VTI1A: variants seen among roughly 807,000 people sequenced by gnomAD.
The protein encoded by VTI1A is vesicle transport through interaction with t-SNAREs homolog 1A.
VTI1A carries 22 observed loss-of-function variants against 34.9 expected under a neutral mutation model. The ratio of observed to expected loss-of-function variants is 0.63; its 90% CI spans 0.45 to 0.90. The LOEUF (loss-of-function observed/expected upper bound fraction) is 0.90, where lower values mean the gene tolerates loss of function less well. Ranked by LOEUF, VTI1A falls within the 40% of genes least tolerant of loss-of-function variation. The probability of loss-of-function intolerance (pLI) is 0.00; values close to 1 mark genes in which losing one functional copy is unlikely to be tolerated. For synonymous variants in VTI1A, 87 were observed against 97.3 expected, an observed-to-expected ratio of 0.89 and a Z score of 0.62; for missense variants, 268 against 275.6, an observed-to-expected ratio of 0.97 and a Z score of 0.20.
intron 7 of VTI1A, among the ~76,000 whole-genome samples, chr10:112,731,274 C>T (rs77387889): frequency 0.021 from 3,179 of 152,078 alleles, 61 homozygotes; most frequent in East Asian, 0.08. Context: ...CATGACTTCC[C>T]GTGAATAAAC....
At chr10:112,823,280 G>A (rs1442775395), downstream of VTI1A, among the ~76,000 whole-genome samples, 1 of 152,250 alleles carries the variant, frequency 6.6e-6, no homozygotes, top group East Asian at 1.9e-4. Flanking sequence ...TAGGAATGGG[G>A]ACTGTTTAGA....
intron 7 of VTI1A, among the ~76,000 whole-genome samples, chr10:112,799,844 G>A (rs777801308): frequency 3.2e-4 from 48 of 152,144 alleles, no homozygotes; most frequent in Non-Finnish European, 5.7e-4. Flanking sequence ...AGAAAACAGA[G>A]CAGCCCAGGG....
the VTI1A span, among the ~76,000 whole-genome samples, chr10:112,849,785 A>G: frequency 6.6e-6 from 1 of 152,168 alleles, no homozygotes; most frequent in Admixed American, 6.5e-5. Flanking sequence ...TGAATGCACA[A>G]TGGCATCATT....
chr10:112,711,178 T>A (rs1245298789), intron 7 of VTI1A, among the ~76,000 whole-genome samples: 1 of 152,262 alleles, frequency 6.6e-6, no homozygotes, highest in African/African-American at 2.4e-5. Flanking sequence ...ACTTTTAAAA[T>A]ATTTTATCCT....
At chr10:112,568,785 C>A (rs1851999815) in intron 5 of VTI1A, among the ~76,000 whole-genome samples, 2 of 152,098 alleles carry the variant, frequency 1.3e-5, no homozygotes, top group African/African-American at 4.8e-5. Context: ...TCATGTTTTT[C>A]CCCCCACTTT....
chr10:112,500,756 A>G (rs138503210), intron 3 of VTI1A, among the ~76,000 whole-genome samples: 2 of 152,102 alleles, frequency 1.3e-5, no homozygotes, highest in East Asian at 3.9e-4. Context: ...CTTTCTACCT[A>G]CCGTTTTCTC....
At chr10:112,562,599 G>A (rs1851764507) in intron 5 of VTI1A, among the ~76,000 whole-genome samples, 1 of 151,926 alleles carries the variant, frequency 6.6e-6, no homozygotes. Flanking sequence ...ACATCTGAGT[G>A]TCTCTTGATT....
intron 5 of VTI1A, among the ~76,000 whole-genome samples, chr10:112,647,994 T>A (rs1360689447): frequency 6.6e-6 from 1 of 152,184 alleles, no homozygotes; most frequent in Admixed American, 6.5e-5. Context: ...GGTCTCAAAC[T>A]GCTGAGCTCA....
At chr10:112,774,777 G>C (rs566926862) in intron 7 of VTI1A, among the ~76,000 whole-genome samples, 1 of 152,098 alleles carries the variant, frequency 6.6e-6, no homozygotes, top group Non-Finnish European at 1.5e-5. Flanking sequence ...AAATTATTGG[G>C]ACAACACAAT....
chr10:112,658,226 C>T (rs1847308987), intron 5 of VTI1A, among the ~76,000 whole-genome samples: 1 of 151,968 alleles, frequency 6.6e-6, no homozygotes, highest in Non-Finnish European at 1.5e-5. Context: ...AAGCTGATAC[C>T]ACAGGCATGC....
chr10:112,837,447 T>A, the VTI1A span, among the ~76,000 whole-genome samples: 1 of 152,186 alleles, frequency 6.6e-6, no homozygotes, highest in Non-Finnish European at 1.5e-5. Flanking sequence ...TCAGCCTGCT[T>A]GATTTCCAGG....
At chr10:112,744,808 T>G (rs1850835179) in intron 7 of VTI1A, among the ~76,000 whole-genome samples, 1 of 152,178 alleles carries the variant, frequency 6.6e-6, no homozygotes, top group Admixed American at 6.5e-5. Context: ...TCGGAGCTCT[T>G]ACTAGAAGCC....
At chr10:112,692,197 A>G (rs1168968714) in intron 7 of VTI1A, among the ~76,000 whole-genome samples, 4 of 152,184 alleles carry the variant, frequency 2.6e-5, no homozygotes, top group Admixed American at 6.5e-5. Flanking sequence ...ATGCACATAT[A>G]TGTCTCCCTA....
intron 5 of VTI1A, among the ~76,000 whole-genome samples, chr10:112,587,930 C>T (rs1359316241): frequency 4.6e-5 from 7 of 150,696 alleles, no homozygotes; most frequent in African/African-American, 1.7e-4. Context: ...TTTTTTTACC[C>T]TTAACTTATG....
intron 5 of VTI1A, among the ~76,000 whole-genome samples, chr10:112,579,383 G>A (rs1427850132): frequency 6.6e-6 from 1 of 152,156 alleles, no homozygotes; most frequent in Non-Finnish European, 1.5e-5. Context: ...TTAGTTGACA[G>A]CTGTTTTCTG....
rs566308290 is a variant in VTI1A at position 112,564,567 on chromosome 10, T to G, written c.427+26237T>G. Reference sequence around the variant, plus strand: ...TGAGTTTTTGCACTTCTTCCTTGTTTAAACAGCTTAAGTAAATTTACAGGG... The same window carrying G: ...TGAGTTTTTGCACTTCTTCCTTGTTGAAACAGCTTAAGTAAATTTACAGGG... On this transcript the variant is annotated intron_variant, in intron 5 of 7. Coordinates refer to ENST00000393077, the MANE Select transcript of VTI1A (RefSeq NM_145206.4). Among the ~76,000 whole-genome samples, 12 of 152,290 alleles carry G rather than the reference T, an allele frequency of 7.9e-5. No homozygotes were observed. The East Asian group carries it at 2.1e-3, about 27-fold the overall frequency.
intron 7 of VTI1A, among the ~76,000 whole-genome samples, chr10:112,729,634 G>C (rs563321539): frequency 6.6e-6 from 1 of 152,270 alleles, no homozygotes; most frequent in South Asian, 2.1e-4. Flanking sequence ...AAAAACACAC[G>C]CAAATTGATG....
intron 7 of VTI1A, among the ~76,000 whole-genome samples, chr10:112,789,612 A>G (rs1404875867): frequency 6.6e-6 from 1 of 152,096 alleles, no homozygotes; most frequent in Non-Finnish European, 1.5e-5. Flanking sequence ...TTCATTTTTC[A>G]TCAGTCTTTT....
At chr10:112,452,277 T>A (rs536584745) in intron 1 of VTI1A, among the ~76,000 whole-genome samples, 1 of 152,238 alleles carries the variant, frequency 6.6e-6, no homozygotes, top group African/African-American at 2.4e-5. Flanking sequence ...CATAAAAAAT[T>A]TAAGCATTTA....
Sources: allele counts gnomAD v4.1 joint callset (sites outside exome capture counted in the v4.1 genomes callset), GRCh38; gene constraint gnomAD v4.1.1; transcripts MANE v1.5; gene names NCBI Gene and HGNC (gene_info 2026-07-23, HGNC 2026-07-21).